Variants in POU3F3 observed in about 807,000 individuals in gnomAD.
The protein encoded by POU3F3 is POU class 3 homeobox 3.
In POU3F3, 1 loss-of-function variant was observed where a neutral mutation model predicts 8.6. The ratio of observed to expected loss-of-function variants is 0.12; its 90% CI spans 0.04 to 0.55. The LOEUF (loss-of-function observed/expected upper bound fraction) is 0.55. POU3F3 is among the 20% of genes least tolerant of loss of function. The pLI, the probability that POU3F3 is intolerant of heterozygous loss-of-function variation, is 0.91. For missense variants in POU3F3, 577 were observed against 690.7 expected (o/e 0.84, Z 1.84); for synonymous variants, 418 against 327.4 (o/e 1.28, Z -2.99).
At chr2:104,898,215 C>A in the POU3F3 span, among the ~76,000 whole-genome samples, 1 of 152,226 alleles carries the variant, frequency 6.6e-6, no homozygotes, top group African/African-American at 2.4e-5. Context: ...CTGGAAGGAG[C>A]ACCTCACCAG....
chr2:104,881,229 C>T, the POU3F3 span, among the ~76,000 whole-genome samples: 328 of 151,758 alleles, frequency 2.2e-3, 2 homozygotes, highest in African/African-American at 7.4e-3. Flanking sequence ...GCAATCATGG[C>T]TAACTGCAGC....
chr2:104,861,726 T>TTGC (rs991057469), downstream of POU3F3, among the ~76,000 whole-genome samples: 9 of 152,228 alleles, frequency 5.9e-5, no homozygotes, highest in Non-Finnish European at 1.0e-4. Context: ...GTCGTTGTTG[T>TTGC]TGCTGCTGCT....
the POU3F3 span, among the ~76,000 whole-genome samples, chr2:104,916,169 A>G: frequency 6.6e-6 from 1 of 152,244 alleles, no homozygotes; most frequent in Non-Finnish European, 1.5e-5. Context: ...AAAGATAAAT[A>G]TAACTCATTT....
At chr2:104,905,323 A>G in the POU3F3 span, among the ~76,000 whole-genome samples, 1 of 152,240 alleles carries the variant, frequency 6.6e-6, no homozygotes, top group African/African-American at 2.4e-5. Context: ...AGACTATTTT[A>G]CAAACTGCAT....
At chr2:104,887,354 C>T in the POU3F3 span, among the ~76,000 whole-genome samples, 1 of 152,248 alleles carries the variant, frequency 6.6e-6, no homozygotes, top group Non-Finnish European at 1.5e-5. Flanking sequence ...AGCCCCTACT[C>T]AAGATGGAGT....
chr2:104,888,221 T>A, the POU3F3 span, among the ~76,000 whole-genome samples: 1 of 152,358 alleles, frequency 6.6e-6, no homozygotes, highest in Non-Finnish European at 1.5e-5. Flanking sequence ...TTACAGGTTC[T>A]TGTGGGGCAA....
the POU3F3 span, among the ~76,000 whole-genome samples, chr2:104,904,730 G>A: frequency 6.6e-6 from 1 of 152,004 alleles, no homozygotes; most frequent in Non-Finnish European, 1.5e-5. Flanking sequence ...TCCTTTACAC[G>A]TCTCATGTAT....
At chr2:104,909,659 C>T in the POU3F3 span, among the ~76,000 whole-genome samples, 1 of 152,380 alleles carries the variant, frequency 6.6e-6, no homozygotes, top group Non-Finnish European at 1.5e-5. Flanking sequence ...CTGGGCTCCC[C>T]ACAGCCACAG....
chr2:104,871,980 T>C, the POU3F3 span, among the ~76,000 whole-genome samples: 16 of 152,144 alleles, frequency 1.1e-4, no homozygotes, highest in African/African-American at 3.4e-4. Context: ...TGACAAGACC[T>C]GCCAGACCTT....
chr2:104,859,285 TG>T (rs1450424716), downstream of POU3F3, among the ~76,000 whole-genome samples: 1 of 152,334 alleles, frequency 6.6e-6, no homozygotes, highest in African/African-American at 2.4e-5. Context: ...TCTTCTTTAC[TG>T]GTGCTGGGGG....
the POU3F3 span, chr2:104,872,228 C>G: frequency 2.2e-6 from 1 of 456,420 alleles, no homozygotes; most frequent in Admixed American, 2.3e-5. This position sits in a 1 kb window ranked among gnomAD's most constrained non-coding sequence, Gnocchi z 4.6. Flanking sequence ...TGTCCGCTCC[C>G]CGGCGTTCTG....
chr2:104,909,620 G>A, the POU3F3 span, among the ~76,000 whole-genome samples: 1 of 152,216 alleles, frequency 6.6e-6, no homozygotes, highest in African/African-American at 2.4e-5. Context: ...CACTGGCTGC[G>A]GGCTGGGCCA....
At chr2:104,891,042 C>G in the POU3F3 span, among the ~76,000 whole-genome samples, 2 of 152,122 alleles carry the variant, frequency 1.3e-5, no homozygotes, top group South Asian at 2.1e-4. Flanking sequence ...CTTATCTGAA[C>G]CTTGAGGCTT....
chr2:104,868,235 G>T, the POU3F3 span: 2 of 456,290 alleles, frequency 4.4e-6, no homozygotes, highest in South Asian at 3.1e-5. Flanking sequence ...CTGGCACCTC[G>T]CGGTCTCAGG....
At chr2:104,894,404 C>G in the POU3F3 span, among the ~76,000 whole-genome samples, 1 of 152,178 alleles carries the variant, frequency 6.6e-6, no homozygotes, top group Non-Finnish European at 1.5e-5. Context: ...CAAGAACTTC[C>G]ATTTATAGGT....
At chr2:104,883,243 G>A in the POU3F3 span, among the ~76,000 whole-genome samples, 20 of 152,296 alleles carry the variant, frequency 1.3e-4, no homozygotes, top group African/African-American at 3.9e-4. Flanking sequence ...CATCCTGGTG[G>A]GTAACACAGC....
chr2:104,882,354 C>G, the POU3F3 span, among the ~76,000 whole-genome samples: 1 of 150,642 alleles, frequency 6.6e-6, no homozygotes, highest in Non-Finnish European at 1.5e-5. Flanking sequence ...CAGGTTCAAG[C>G]AATTCTCCTG....
the POU3F3 span, among the ~76,000 whole-genome samples, chr2:104,884,466 CA>C: frequency 6.6e-6 from 1 of 152,020 alleles, no homozygotes; most frequent in East Asian, 1.9e-4. Flanking sequence ...GGCTGTATAT[CA>C]ATTTAAGAAA....
the POU3F3 span, among the ~76,000 whole-genome samples, chr2:104,899,744 A>G: frequency 6.6e-6 from 1 of 152,192 alleles, no homozygotes; most frequent in Admixed American, 6.5e-5. Flanking sequence ...CAATTTCCAC[A>G]CAGGAGAGAG....
Sources: allele counts gnomAD v4.1 joint callset (sites outside exome capture counted in the v4.1 genomes callset), GRCh38; gene constraint gnomAD v4.1.1; non-coding constraint Gnocchi (gnomAD v3.1); transcripts MANE v1.5; gene names NCBI Gene and HGNC (gene_info 2026-07-23, HGNC 2026-07-21).